The following LRRTM4 variants were observed in gnomAD, a reference collection of about 807,000 sequenced individuals.
LRRTM4 encodes leucine rich repeat transmembrane neuronal 4.
In LRRTM4, 25 loss-of-function variants were observed where a neutral mutation model predicts 47.6. The ratio of observed to expected loss-of-function variants is 0.53; its 90% CI spans 0.38 to 0.73. The LOEUF is 0.73. LRRTM4 is among the 30% of genes least tolerant of loss of function. The pLI is 0.00. For missense variants in LRRTM4, 638 were observed against 713.4 expected (o/e 0.89, Z 1.20); for synonymous variants, 311 against 269.5 (o/e 1.15, Z -1.51).
intron 3 of LRRTM4, among the ~76,000 whole-genome samples, chr2:77,343,425 G>T (rs1162116289): frequency 6.6e-6 from 1 of 151,852 alleles, no homozygotes; most frequent in Non-Finnish European, 1.5e-5. Context: ...TTTATTTTAT[G>T]TATATTAACT....
intron 3 of LRRTM4, among the ~76,000 whole-genome samples, chr2:76,776,293 A>G (rs1318255932): frequency 1.3e-5 from 2 of 152,186 alleles, no homozygotes; most frequent in Admixed American, 1.3e-4. Context: ...TGGCTGGGTC[A>G]AATGGTATTT....
In LRRTM4 at chr2:77,180,770, G is replaced by A. The variant is rs183817003; in HGVS notation, c.1551+337548C>T. Among the ~76,000 whole-genome samples the A allele has an allele frequency of 3.2e-4, 49 of 152,192 alleles. 1 individual carries two copies. Among genetic ancestry groups the A allele is most frequent in the Admixed American group, 3.2e-3 (49 of 15,248 alleles). On this transcript the variant is annotated intron_variant, in intron 3 of 3. Transcript: ENST00000409884. ...GATATCTACTTGTCATAAGAGCTATGTGAAAGAGATACCACAAAAACATTT... is the reference window on the plus strand; with the variant it reads ...GATATCTACTTGTCATAAGAGCTATATGAAAGAGATACCACAAAAACATTT...
At chr2:77,046,156 T>A (rs528280911) in intron 3 of LRRTM4, among the ~76,000 whole-genome samples, 1 of 151,962 alleles carries the variant, frequency 6.6e-6, no homozygotes, top group African/African-American at 2.4e-5. Context: ...TTGATTGCAG[T>A]TCAACTATTT....
chr2:77,479,150 C>T (rs140601231), intron 3 of LRRTM4, among the ~76,000 whole-genome samples: 11 of 152,218 alleles, frequency 7.2e-5, no homozygotes, highest in Admixed American at 2.0e-4. Flanking sequence ...CCTGTCTCGG[C>T]CCCCCAGAGT....
chr2:76,762,120 G>C (rs957988911), intron 3 of LRRTM4, among the ~76,000 whole-genome samples: 1 of 152,164 alleles, frequency 6.6e-6, no homozygotes, highest in African/African-American at 2.4e-5. Flanking sequence ...GGCTCTAACT[G>C]TTATACCATG....
intron 3 of LRRTM4, among the ~76,000 whole-genome samples, chr2:77,368,415 A>G (rs17014037): frequency 0.042 from 6,315 of 151,646 alleles, 253 homozygotes; most frequent in East Asian, 0.21. Context: ...ACCATGAGGT[A>G]CTCCTGAATC....
chr2:77,269,788 T>A (rs746545098), intron 3 of LRRTM4, among the ~76,000 whole-genome samples: 5 of 152,224 alleles, frequency 3.3e-5, no homozygotes, highest in Non-Finnish European at 7.3e-5. Flanking sequence ...AATATTATAA[T>A]GTTCAACAAA....
intron 3 of LRRTM4, among the ~76,000 whole-genome samples, chr2:77,469,579 C>A (rs562350502): frequency 6.6e-6 from 1 of 152,110 alleles, no homozygotes; most frequent in African/African-American, 2.4e-5. Context: ...CCATCTGATT[C>A]CAGAATAAAG....
intron 3 of LRRTM4, among the ~76,000 whole-genome samples, chr2:77,466,839 C>T (rs1343766743): frequency 1.3e-5 from 2 of 151,858 alleles, no homozygotes; most frequent in East Asian, 1.9e-4. Flanking sequence ...GGTGGGACTA[C>T]AGGTGCCTGC....
At chr2:77,056,631 C>T (rs777250230) in intron 3 of LRRTM4, among the ~76,000 whole-genome samples, 28 of 152,256 alleles carry the variant, frequency 1.8e-4, no homozygotes, top group Middle Eastern at 3.4e-3. Context: ...AGATGTGAAA[C>T]TCATTCCCTG....
chr2:76,861,171 A>G (rs1372943284), intron 3 of LRRTM4, among the ~76,000 whole-genome samples: 1 of 152,116 alleles, frequency 6.6e-6, no homozygotes, highest in Non-Finnish European at 1.5e-5. Context: ...CATTACTTAG[A>G]CAGTGAAGTT....
At position 77,030,348 on chromosome 2, in the gene LRRTM4, C is replaced by T. The variant is rs374434850; in HGVS notation, c.1552-281432G>A. Among the ~76,000 whole-genome samples the T allele has an allele frequency of 3.3e-5, 5 of 152,178 alleles. No homozygotes were observed. In the East Asian group the frequency reaches 9.7e-4, roughly 29 times the overall value. ...ACTCGGGAGGCTGAGGCAGGAGAAT[C>T]GCTTGAACTGGGAGGCGGAGGTTGC... On this transcript the variant is annotated intron_variant, in intron 3 of 3. Transcript: ENST00000409884.
intron 3 of LRRTM4, among the ~76,000 whole-genome samples, chr2:77,087,803 AAAAT>A (rs1680773975): frequency 6.6e-6 from 1 of 152,248 alleles, no homozygotes; most frequent in East Asian, 1.9e-4. Flanking sequence ...ATACTAAAGA[AAAAT>A]ATTATTTAAG....
intron 3 of LRRTM4, among the ~76,000 whole-genome samples, chr2:76,817,097 C>A (rs1056065605): frequency 2.6e-5 from 4 of 151,612 alleles, no homozygotes; most frequent in African/African-American, 7.2e-5. Context: ...ATGAAGTTGG[C>A]CTTACTCTCT....
chr2:76,792,369 T>C (rs1364480803), intron 3 of LRRTM4, among the ~76,000 whole-genome samples: 1 of 151,908 alleles, frequency 6.6e-6, no homozygotes, highest in Non-Finnish European at 1.5e-5. Flanking sequence ...TGGAGGAAAG[T>C]GGTTATAGAA....
chr2:77,451,195 T>C (rs1676241596), intron 3 of LRRTM4, among the ~76,000 whole-genome samples: 3 of 152,220 alleles, frequency 2.0e-5, no homozygotes, highest in Admixed American at 1.3e-4. Context: ...ATCTCGCTAA[T>C]AAATTTATTG....
intron 3 of LRRTM4, among the ~76,000 whole-genome samples, chr2:76,890,143 T>A (rs1673206061): frequency 6.6e-6 from 1 of 152,008 alleles, no homozygotes; most frequent in Admixed American, 6.6e-5. Context: ...TTGGATTTCA[T>A]CACCCATGCA....
chr2:76,897,896 T>C (rs75242447), intron 3 of LRRTM4, among the ~76,000 whole-genome samples: 12,332 of 152,164 alleles, frequency 0.081, 892 homozygotes, highest in East Asian at 0.37. Flanking sequence ...GCATAAGACG[T>C]TTTCCATACT....
At position 77,520,908 on chromosome 2, in the gene LRRTM4, G is replaced by GA. The variant is rs143005005; in HGVS notation, c.4+759dup. On this transcript the variant is annotated intron_variant, in intron 2 of 3. Coordinates refer to ENST00000409884, the MANE Select transcript of LRRTM4 (RefSeq NM_001134745.3). ...TAGATTTATTATTTCTTAATGGAGA[G>GA]AAAAAAAAAGAAACAACTACCATGT... Among the ~76,000 whole-genome samples, 443 of 142,774 alleles carry GA rather than the reference G, an allele frequency of 3.1e-3. 4 individuals are homozygous for GA. Among genetic ancestry groups the GA allele is most frequent in the African/African-American group, 0.012 (405 of 34,770 alleles). 93.7% of individuals were successfully genotyped at this position (142,774 alleles called of 152,430 possible).
Sources: allele counts gnomAD v4.1 joint callset (sites outside exome capture counted in the v4.1 genomes callset), GRCh38; gene constraint gnomAD v4.1.1; transcripts MANE v1.5; gene names NCBI Gene and HGNC (gene_info 2026-07-23, HGNC 2026-07-21).